The following RIC1 variants were observed in gnomAD, a reference collection of about 807,000 sequenced individuals.
RIC1 encodes guanine nucleotide exchange factor subunit RIC1.
RIC1 carries 88 observed loss-of-function variants against 169.0 expected under a neutral mutation model. The ratio of observed to expected loss-of-function variants is 0.52; its 90% CI spans 0.44 to 0.62. The LOEUF (loss-of-function observed/expected upper bound fraction) is 0.62. Among genes scored for constraint, RIC1 ranks in the 20% least tolerant of loss-of-function variants. RIC1 has a pLI of 0.00. For synonymous variants in RIC1, 790 were observed against 601.5 expected, an observed-to-expected ratio of 1.31 and a Z score of -4.59; for missense variants, 1,877 against 1,725.5, an observed-to-expected ratio of 1.09 and a Z score of -1.56.
At chr9:5,683,184 T>G (rs532189999) in intron 2 of RIC1, among the ~76,000 whole-genome samples, 1 of 152,224 alleles carries the variant, frequency 6.6e-6, no homozygotes. Context: ...TTACATTGTT[T>G]GTGAGGAGCT....
intron 2 of RIC1, among the ~76,000 whole-genome samples, chr9:5,663,770 T>C (rs1363319127): frequency 6.6e-6 from 1 of 152,154 alleles, no homozygotes; most frequent in Non-Finnish European, 1.5e-5. Context: ...TAGCTTGCCA[T>C]TCTGTGTCTT....
At chr9:5,682,017 C>G (rs1036857135) in intron 2 of RIC1, among the ~76,000 whole-genome samples, 7 of 152,104 alleles carry the variant, frequency 4.6e-5, no homozygotes, top group Non-Finnish European at 1.0e-4. Flanking sequence ...TTTGGTAGAT[C>G]TTCCTCCATC....
At chr9:5,635,155 T>G (rs1200363882) in intron 1 of RIC1, among the ~76,000 whole-genome samples, 1 of 152,116 alleles carries the variant, frequency 6.6e-6, no homozygotes, top group Non-Finnish European at 1.5e-5. Flanking sequence ...GCCTAGTTAA[T>G]TTTTTGAAGA....
intron 3 of RIC1, among the ~76,000 whole-genome samples, chr9:5,709,553 C>A (rs371290401): frequency 6.6e-6 from 1 of 152,144 alleles, no homozygotes. Context: ...GTGTATAGAA[C>A]GTTTTGTACA....
chr9:5,687,039 C>G (rs1404120530), intron 2 of RIC1, among the ~76,000 whole-genome samples: 1 of 152,166 alleles, frequency 6.6e-6, no homozygotes, highest in African/African-American at 2.4e-5. Context: ...ATTGGCTTTT[C>G]AGGGTACAGA....
intron 21 of RIC1, among the ~76,000 whole-genome samples, chr9:5,766,737 C>T (rs1192393741): frequency 6.6e-6 from 1 of 152,276 alleles, no homozygotes; most frequent in Non-Finnish European, 1.5e-5. Flanking sequence ...GTTTCTTTAT[C>T]CACTCGTTGA....
rs374069056 is a variant in RIC1, at chr9:5,772,852, C to T, written c.3795-40C>T. The stretch of plus-strand genomic sequence containing the variant: ...TTGCACTTCTGTACATCTTATAGAT[C>T]TTTCTTAGCATAAATCATTTTGTTT... On this transcript the variant is annotated intron_variant, in intron 24 of 25. Coordinates refer to ENST00000414202, the MANE Select transcript of RIC1 (RefSeq NM_020829.4). 2.2e-4 allele frequency: 353 copies of T among 1,581,772 alleles called. No homozygotes were observed. The African/African-American group carries it at 4.3e-3, about 19-fold the overall frequency.
intron 2 of RIC1, among the ~76,000 whole-genome samples, chr9:5,678,309 C>T (rs995719552): frequency 7.9e-5 from 12 of 152,072 alleles, no homozygotes; most frequent in Admixed American, 2.6e-4. Context: ...AGTAAACATA[C>T]GTGTGCATGT....
chr9:5,772,208 A>G (rs879897833), intron 23 of RIC1, among the ~76,000 whole-genome samples: 2 of 152,194 alleles, frequency 1.3e-5, no homozygotes, highest in Non-Finnish European at 2.9e-5. Context: ...TTTTCTCACA[A>G]TAATGATTTT....
At chr9:5,660,750 C>T (rs78986165) in intron 2 of RIC1, among the ~76,000 whole-genome samples, 7 of 151,840 alleles carry the variant, frequency 4.6e-5, no homozygotes, top group Non-Finnish European at 7.4e-5. Flanking sequence ...GATATTAGAC[C>T]TTTCTTTGTC....
intron 3 of RIC1, among the ~76,000 whole-genome samples, chr9:5,704,259 TC>T: frequency 6.6e-6 from 1 of 152,032 alleles, no homozygotes; most frequent in African/African-American, 2.4e-5. Context: ...TGCTCTGTCT[TC>T]CAGGCAGTGT....
In RIC1 at chr9:5,751,587, TCAGGCAA is replaced by T. The variant is rs1287851285; in HGVS notation, c.1453-1612_1453-1606del. Among the ~76,000 whole-genome samples, 648 of 150,900 alleles carry T rather than the reference TCAGGCAA, an allele frequency of 4.3e-3. 15 individuals carry two copies. Among genetic ancestry groups the T allele is most frequent in the African/African-American group, 0.015 (616 of 40,220 alleles). On this transcript the variant is annotated intron_variant, in intron 12 of 25. Transcript: ENST00000414202. ...CCGGGCTGGTCTCAAACTCCTGACC[TCAGGCAA>T]TCTGCCTGCCTCAGCCTCCCAAAGT...
chr9:5,725,290 G>C (rs1263560836), intron 6 of RIC1, among the ~76,000 whole-genome samples: 1 of 152,120 alleles, frequency 6.6e-6, no homozygotes, highest in African/African-American at 2.4e-5. Flanking sequence ...TCTTGGGAGG[G>C]TGTATTTGTC....
intron 1 of RIC1, among the ~76,000 whole-genome samples, chr9:5,636,340 A>G (rs970787633): frequency 3.3e-5 from 5 of 151,762 alleles, no homozygotes; most frequent in Non-Finnish European, 7.4e-5. Flanking sequence ...TTTTTTTTAG[A>G]CAAAGTCTCG....
Position 5,642,287 on chromosome 9 carries a change from C to T in RIC1, c.144+12834C>T, listed in dbSNP as rs527334943. 2.8e-5 allele frequency among the ~76,000 whole-genome samples: 4 copies of T among 144,760 alleles called. 1 individual carries two copies. The highest frequency in any genetic ancestry group is 5.9e-5 in the Non-Finnish European group (4 of 67,230). The allele number at this position is 144,760 out of a possible 152,430, so 95.0% of individuals were successfully genotyped here. ...TCCTGGAACTAGGGATGTGTTCATGCGTTGATGCAAGCACCCCTGTTGCCA... is the reference window on the plus strand; with the variant it reads ...TCCTGGAACTAGGGATGTGTTCATGTGTTGATGCAAGCACCCCTGTTGCCA... On this transcript the variant is annotated intron_variant, in intron 1 of 25. Coordinates refer to ENST00000414202, the MANE Select transcript of RIC1 (RefSeq NM_020829.4).
intron 2 of RIC1, among the ~76,000 whole-genome samples, chr9:5,667,278 T>A (rs759480039): frequency 1.3e-5 from 2 of 152,114 alleles, no homozygotes; most frequent in Non-Finnish European, 2.9e-5. Context: ...GTTTTGATCT[T>A]GTCACAGCAC....
chr9:5,717,908 G>C (rs1823355634), intron 4 of RIC1, among the ~76,000 whole-genome samples: 1 of 151,246 alleles, frequency 6.6e-6, no homozygotes, highest in Non-Finnish European at 1.5e-5. Context: ...TGGAGGCCAA[G>C]GTGGGTCGAT....
chr9:5,672,070 C>T (rs960156411), intron 2 of RIC1, among the ~76,000 whole-genome samples: 4 of 152,110 alleles, frequency 2.6e-5, no homozygotes, highest in Non-Finnish European at 5.9e-5. Context: ...CTGAGGAAGC[C>T]GGCCCTTCTA....
chr9:5,759,198 C>G (rs890759409), intron 17 of RIC1, among the ~76,000 whole-genome samples: 2 of 152,076 alleles, frequency 1.3e-5, no homozygotes, highest in Non-Finnish European at 2.9e-5. Context: ...AAAAAAGTGA[C>G]AATTTAAAAA....
Sources: allele counts gnomAD v4.1 joint callset (sites outside exome capture counted in the v4.1 genomes callset), GRCh38; gene constraint gnomAD v4.1.1; transcripts MANE v1.5; gene names NCBI Gene and HGNC (gene_info 2026-07-23, HGNC 2026-07-21).